The following MYO1F variants were observed in gnomAD, a reference collection of about 807,000 sequenced individuals.
MYO1F encodes the protein myosin IF, also known as unconventional myosin-If.
Under a neutral mutation model 146.6 loss-of-function variants are expected in MYO1F, and 60 were observed. The observed-to-expected ratio is 0.41, with a 90% CI of 0.33 to 0.51. The LOEUF (loss-of-function observed/expected upper bound fraction) is 0.51, where lower values mean the gene tolerates loss of function less well. MYO1F is among the 20% of genes least tolerant of loss of function. The pLI is 0.25. For missense variants in MYO1F, 1,274 were observed against 1,534.3 expected (o/e 0.83, Z 2.83); for synonymous variants, 602 against 602.1 (o/e 1.00, Z 0.00).
At chr19:8,545,039 A>G (rs1278150723) in intron 13 of MYO1F, among the ~76,000 whole-genome samples, 1 of 152,080 alleles carries the variant, frequency 6.6e-6, no homozygotes, top group Non-Finnish European at 1.5e-5. Flanking sequence ...TGGCCTCCCA[A>G]AGTGCTGGGA....
rs1972752549 is a variant in MYO1F at position 8,536,973 on chromosome 19, C to T, written c.1775G>A (p.Arg592Lys). ...CCTGTTCTCCTCCCAGTCTCGGGGC[C>T]TCTTGGTCTCGTTGGGTTTGATGCA... ...IRCIKPNETKRPRDWEENRVK... is the reference protein window; with the variant it reads ...IRCIKPNETKKPRDWEENRVK... The change falls in exon 17 of 28, where the codon AGG becomes AAG. Residue 592 changes from arginine (R) to lysine (K), a missense_variant. Coordinates refer to ENST00000644032, the MANE Select transcript of MYO1F (RefSeq NM_012335.4). 5.0e-6 allele frequency: 8 copies of T among 1,613,054 alleles called. No homozygotes were observed. Among genetic ancestry groups the T allele is most frequent in the Non-Finnish European group, 6.8e-6 (8 of 1,179,756 alleles).
Position 8,555,665 on chromosome 19 carries a change from G to A in MYO1F, c.135C>T (p.Tyr45=), listed in dbSNP as rs765893368. The change falls in exon 2 of 28, where the codon TAC becomes TAT. Residue 45 remains tyrosine, a synonymous_variant. Coordinates refer to ENST00000644032, the MANE Select transcript of MYO1F (RefSeq NM_012335.4). ...CAGCCTTGGCCCAGGGTACGAAGAT[G>A]TAGTCGTCCATGAAGCGCTTCCGGA... The part of the protein sequence containing the change: ...ANLRKRFMDD[Y]IFTYIGSVLI... 3 of 1,614,012 alleles carry A rather than the reference G, an allele frequency of 1.9e-6. No homozygotes were observed. Among genetic ancestry groups the A allele is most frequent in the Non-Finnish European group, 1.7e-6 (2 of 1,180,026 alleles).
rs780033132 is a variant in MYO1F at position 8,544,444 on chromosome 19, G to A, written c.1377C>T (p.Ser459=). The change falls in exon 14 of 28, where the codon AGC becomes AGT. Residue 459 remains serine, a synonymous_variant. Coordinates refer to ENST00000644032, the MANE Select transcript of MYO1F (RefSeq NM_012335.4). ...ENKLSPPGIM[S]VLDDVCATMH... ...TGGTGGCGCACACGTCGTCCAAGAC[G>A]CTCATGATGCCTGGGGGGCTCTGCG... 5 of 1,611,084 alleles carry A rather than the reference G, an allele frequency of 3.1e-6. No homozygotes were observed. The highest frequency in any genetic ancestry group is 1.7e-5 in the Admixed American group (1 of 59,926).
chr19:8,542,667 C>T (rs993074553), intron 14 of MYO1F, among the ~76,000 whole-genome samples: 11 of 150,176 alleles, frequency 7.3e-5, no homozygotes, highest in Non-Finnish European at 1.3e-4. Flanking sequence ...ATGACACGAT[C>T]TCAGCTCACT....
chr19:8,550,846 G>C lies in MYO1F; in HGVS notation c.772-152C>G. 3 of 909,966 alleles carry C rather than the reference G, an allele frequency of 3.3e-6. No individual in the cohort carries two copies. In the Admixed American group the frequency reaches 6.7e-5, roughly 20 times the overall value. The allele number at this position is 909,966 out of a possible 1,614,324, so 56.4% of individuals were successfully genotyped here. A position where few individuals can be genotyped will look rare whatever the true frequency, so the allele number is the denominator to read the frequency against. The stretch of plus-strand genomic sequence containing the variant: ...TTCAGTCACTTGCCGCGTGACCTTG[G>C]GTAAGTGCCTGCACCTCTCTGGGCT... On this transcript the variant is annotated intron_variant, in intron 8 of 27. Transcript: ENST00000644032.
intron 1 of MYO1F, among the ~76,000 whole-genome samples, chr19:8,559,432 C>T (rs554603738): frequency 3.9e-5 from 6 of 152,018 alleles, no homozygotes; most frequent in Non-Finnish European, 7.4e-5. Flanking sequence ...TTAAATAAGC[C>T]CAGCCTTTGG....
intron 1 of MYO1F, among the ~76,000 whole-genome samples, chr19:8,567,058 ATTTTTT>A (rs768377216): frequency 2.3e-5 from 3 of 127,694 alleles, no homozygotes; most frequent in African/African-American, 8.9e-5. Flanking sequence ...ACTGGGTCCA[ATTTTTT>A]TTTTTTTTTT....
At chr19:8,565,529 C>G (rs950853670) in intron 1 of MYO1F, among the ~76,000 whole-genome samples, 1 of 151,100 alleles carries the variant, frequency 6.6e-6, no homozygotes, top group African/African-American at 2.4e-5. Context: ...GCAACAAGTG[C>G]GAAACTCTGT....
At position 8,557,549 on chromosome 19, in the gene MYO1F, G is replaced by A. The variant is rs140209365; in HGVS notation, c.4-1753C>T. Reference sequence around the variant, plus strand: ...AACTCCTGGGCTGAATGGATTATCTGTCTCAGTCCCCCAAAGTGGTGGGAT... The same window carrying A: ...AACTCCTGGGCTGAATGGATTATCTATCTCAGTCCCCCAAAGTGGTGGGAT... On this transcript the variant is annotated intron_variant, in intron 1 of 27. Coordinates refer to ENST00000644032, the MANE Select transcript of MYO1F (RefSeq NM_012335.4). Among the ~76,000 whole-genome samples, 398 of 152,246 alleles carry A rather than the reference G, an allele frequency of 2.6e-3. 3 individuals are homozygous for A. Among genetic ancestry groups the A allele is most frequent in the African/African-American group, 8.7e-3 (363 of 41,556 alleles).
chr19:8,566,638 C>T (rs1314119926), intron 1 of MYO1F, among the ~76,000 whole-genome samples: 4 of 151,458 alleles, frequency 2.6e-5, no homozygotes, highest in African/African-American at 9.7e-5. Flanking sequence ...CTCAGTTTCC[C>T]AAGTAGCTGG....
In MYO1F at chr19:8,530,511, C is replaced by T; in HGVS notation, c.2106G>A (p.Lys702=). ...KFDGFARTIQ[K]AWRRHVAVRK... ...GGACAGCCACGTGGCGCCGCCAGGC[C>T]TTCTGGATGGTTCGGGCAAAGCCAT... The change falls in exon 20 of 28, where the codon AAG becomes AAA. Residue 702 remains lysine, a synonymous_variant. Coordinates refer to ENST00000644032, the MANE Select transcript of MYO1F (RefSeq NM_012335.4). This position sits in a 1 kb window ranked among gnomAD's most constrained non-coding sequence, Gnocchi z 5.8. 6.2e-7 allele frequency: 1 copy of T among 1,613,728 alleles called. No homozygotes were observed. The highest frequency in any genetic ancestry group is 2.2e-5 in the East Asian group (1 of 44,876).
intron 25 of MYO1F, 107 bp downstream of exon 25, chr19:8,525,372 A>G: frequency 1.1e-6 from 1 of 941,348 alleles, no homozygotes; most frequent in Non-Finnish European, 1.7e-6. Context: ...CTGGACAGAG[A>G]AGTGAGTGGT....
intron 2 of MYO1F, 70 bp from the exon 3 acceptor site, chr19:8,554,813 C>A: frequency 3.6e-6 from 5 of 1,378,564 alleles, no homozygotes; most frequent in Non-Finnish European, 5.2e-6. Context: ...ATCCTGCCCC[C>A]ACCCAGGGCT....
chr19:8,560,915 TTTTGG>T (rs1488416643), intron 1 of MYO1F, among the ~76,000 whole-genome samples: 4 of 151,974 alleles, frequency 2.6e-5, no homozygotes, highest in African/African-American at 9.7e-5. Flanking sequence ...TTTTTTGTAT[TTTTGG>T]TAGAGACGGG....
Position 8,522,830 on chromosome 19 carries a change from C to T in MYO1F, c.2855-1G>A. 1 of 1,562,222 alleles carries T rather than the reference C, an allele frequency of 6.4e-7. No individual in the cohort carries two copies. The highest frequency in any genetic ancestry group is 8.6e-7 in the Non-Finnish European group (1 of 1,157,886). ...GGGGGCACCCCATTGCGATCCATGC[C>T]TGTGGCAGGAGCAAGGATGAAGACA... On this transcript the variant is annotated splice_acceptor_variant, in intron 25 of 27. Transcript: ENST00000644032. LOFTEE classifies it high-confidence loss of function.
intron 21 of MYO1F, among the ~76,000 whole-genome samples, chr19:8,527,857 TC>T (rs1972332446): frequency 6.6e-6 from 1 of 152,118 alleles, no homozygotes; most frequent in African/African-American, 2.4e-5. Flanking sequence ...AAGCAAACTG[TC>T]CTCCTTGGCC....
intron 25 of MYO1F, among the ~76,000 whole-genome samples, chr19:8,524,855 G>C (rs960096788): frequency 6.6e-6 from 1 of 152,130 alleles, no homozygotes; most frequent in African/African-American, 2.4e-5. Context: ...AGAGAAAACG[G>C]CCCAAAGGCC....
At chr19:8,571,170 A>G (rs994995175) in intron 1 of MYO1F, among the ~76,000 whole-genome samples, 2 of 152,180 alleles carry the variant, frequency 1.3e-5, no homozygotes, top group Admixed American at 1.3e-4. Flanking sequence ...TTCCTCACCC[A>G]GGTCCTGCGA....
chr19:8,560,427 G>A (rs987965435), intron 1 of MYO1F, among the ~76,000 whole-genome samples: 6 of 151,600 alleles, frequency 4.0e-5, no homozygotes, highest in African/African-American at 1.2e-4. Context: ...AGAGGTTGCA[G>A]TGAGCCGAGA....
Sources: gnomAD v4.1 joint callset for allele counts (sites outside exome capture counted in the v4.1 genomes callset) on GRCh38, gnomAD v4.1.1 for gene constraint, Gnocchi (gnomAD v3.1) non-coding constraint, MANE v1.5 for transcripts, NCBI Gene and HGNC (gene_info 2026-07-23, HGNC 2026-07-21) for gene names.